The following TUSC3 variants were observed in gnomAD, a reference collection of about 807,000 sequenced individuals.
TUSC3 encodes tumor suppressor candidate 3.
In TUSC3, 45 loss-of-function variants were observed where a neutral mutation model predicts 44.8. The ratio of observed to expected loss-of-function variants is 1.00; its 90% CI spans 0.79 to 1.29. The LOEUF is 1.29. Among genes scored for constraint, TUSC3 ranks in the 50% most tolerant of loss-of-function variants. The pLI is 0.00. For missense variants in TUSC3, 519 were observed against 437.9 expected (o/e 1.19, Z -1.65); for synonymous variants, 212 against 152.9 (o/e 1.39, Z -2.85).
chr8:15,726,812 CAAAAGA>C (rs1810514216), intron 6 of TUSC3, among the ~76,000 whole-genome samples: 1 of 151,844 alleles, frequency 6.6e-6, no homozygotes, highest in African/African-American at 2.4e-5. Context: ...GTCTCAAAAA[CAAAAGA>C]AAAAGAAAAG....
At chr8:15,767,924 A>G (rs945041240), downstream of TUSC3, among the ~76,000 whole-genome samples, 1 of 152,144 alleles carries the variant, frequency 6.6e-6, no homozygotes, top group Non-Finnish European at 1.5e-5. Context: ...ATTGGAAACA[A>G]TGCTACATGT....
At chr8:15,588,486 G>C (rs1415493759) in intron 1 of TUSC3, among the ~76,000 whole-genome samples, 1 of 152,082 alleles carries the variant, frequency 6.6e-6, no homozygotes, top group African/African-American at 2.4e-5. Flanking sequence ...TAGTTTGCAA[G>C]TATTTTCTCC....
intron 6 of TUSC3, among the ~76,000 whole-genome samples, chr8:15,695,162 G>A (rs1416740133): frequency 6.6e-6 from 1 of 152,176 alleles, no homozygotes; most frequent in Non-Finnish European, 1.5e-5. Context: ...AGCACCATCT[G>A]ATATGGTTTG....
chr8:15,773,658 C>A, the TUSC3 span, among the ~76,000 whole-genome samples: 3 of 152,120 alleles, frequency 2.0e-5, no homozygotes, highest in Non-Finnish European at 2.9e-5. Flanking sequence ...AGTTGAAAGA[C>A]TCACACTTTG....
chr8:15,431,928 A>G (rs924962220), intron 1 of TUSC3, among the ~76,000 whole-genome samples: 13 of 151,806 alleles, frequency 8.6e-5, no homozygotes, highest in African/African-American at 3.1e-4. Flanking sequence ...ACATTATCAC[A>G]TTTATTTATG....
chr8:15,700,152 C>G (rs2129194837), intron 6 of TUSC3, among the ~76,000 whole-genome samples: 1 of 152,216 alleles, frequency 6.6e-6, no homozygotes, highest in South Asian at 2.1e-4. Context: ...ATTTCAACTC[C>G]AAATAATCTC....
chr8:15,696,297 A>G (rs1809162318), intron 6 of TUSC3, among the ~76,000 whole-genome samples: 1 of 152,284 alleles, frequency 6.6e-6, no homozygotes, highest in African/African-American at 2.4e-5. Flanking sequence ...GTGGATTCCG[A>G]GGGCACAAGC....
chr8:15,621,796 C>T (rs935197314), intron 1 of TUSC3, among the ~76,000 whole-genome samples: 1 of 151,260 alleles, frequency 6.6e-6, no homozygotes, highest in Non-Finnish European at 1.5e-5. Context: ...AAAAACACAG[C>T]CGAGTCATTA....
intron 1 of TUSC3, among the ~76,000 whole-genome samples, chr8:15,464,326 G>A (rs994043617): frequency 3.3e-5 from 5 of 152,246 alleles, no homozygotes; most frequent in Middle Eastern, 3.4e-3. Context: ...GATAATTCAG[G>A]AATAACCATA....
chr8:15,636,534 A>G (rs1806084677), intron 2 of TUSC3, among the ~76,000 whole-genome samples: 1 of 152,190 alleles, frequency 6.6e-6, no homozygotes, highest in Non-Finnish European at 1.5e-5. Context: ...CAGAAATCAA[A>G]CTGGCGTTGG....
the TUSC3 span, among the ~76,000 whole-genome samples, chr8:15,842,661 C>G: frequency 6.6e-6 from 1 of 152,120 alleles, no homozygotes; most frequent in Non-Finnish European, 1.5e-5. Flanking sequence ...TATGTAGGAG[C>G]TAAACAGCTA....
At chr8:15,424,230 G>A (rs902233684) in intron 1 of TUSC3, among the ~76,000 whole-genome samples, 1 of 151,634 alleles carries the variant, frequency 6.6e-6, no homozygotes, top group African/African-American at 2.4e-5. Flanking sequence ...CTTGTGATCT[G>A]CCCCCTTGGC....
chr8:15,594,666 G>C (rs935573008), intron 1 of TUSC3, among the ~76,000 whole-genome samples: 1 of 152,114 alleles, frequency 6.6e-6, no homozygotes, highest in Non-Finnish European at 1.5e-5. Flanking sequence ...TGTCTTATGA[G>C]ATTTTTCAAT....
At chr8:15,843,593 C>CATAAGTATATATATAT in the TUSC3 span, among the ~76,000 whole-genome samples, 3 of 91,142 alleles carry the variant, frequency 3.3e-5, no homozygotes, top group Admixed American at 2.3e-4. Context: ...ACTTGATGTA[C>CATAAGTATATATATAT]ATATATATAT....
chr8:15,799,062 G>C, the TUSC3 span, among the ~76,000 whole-genome samples: 1 of 152,128 alleles, frequency 6.6e-6, no homozygotes, highest in Non-Finnish European at 1.5e-5. Context: ...AAATCTCCTT[G>C]ACAAGGCTAA....
At chr8:15,825,472 A>G in the TUSC3 span, among the ~76,000 whole-genome samples, 1 of 152,056 alleles carries the variant, frequency 6.6e-6, no homozygotes, top group Non-Finnish European at 1.5e-5. Context: ...GACCTGTCCC[A>G]ATGATTCAAT....
At chr8:15,432,227 C>T (rs987762260) in intron 1 of TUSC3, among the ~76,000 whole-genome samples, 1 of 152,018 alleles carries the variant, frequency 6.6e-6, no homozygotes, top group Non-Finnish European at 1.5e-5. Flanking sequence ...ACCAGGAAGC[C>T]ATCTGGTTTT....
intron 2 of TUSC3, among the ~76,000 whole-genome samples, chr8:15,649,698 C>T (rs1004068300): frequency 2.6e-5 from 4 of 151,936 alleles, no homozygotes; most frequent in Non-Finnish European, 5.9e-5. Context: ...CTTCTTATTG[C>T]ACTGCAATCT....
chr8:15,510,789 G>A (rs917101313), intron 2 of TUSC3, among the ~76,000 whole-genome samples: 1 of 151,590 alleles, frequency 6.6e-6, no homozygotes, highest in Non-Finnish European at 1.5e-5. Context: ...AAAACAGAAA[G>A]ACAAATATCC....
Sources: gnomAD v4.1 joint callset for allele counts (sites outside exome capture counted in the v4.1 genomes callset) on GRCh38, gnomAD v4.1.1 for gene constraint, MANE v1.5 for transcripts, NCBI Gene and HGNC (gene_info 2026-07-23, HGNC 2026-07-21) for gene names.